The following FANCL variants were observed in gnomAD, a reference collection of about 807,000 sequenced individuals.
FANCL encodes FA complementation group L.
A neutral mutation model predicts 59.4 loss-of-function variants in FANCL; 69 were observed. The observed-to-expected ratio is 1.16, with a 90% CI of 0.96 to 1.42. The LOEUF is 1.42. Among genes scored for constraint, FANCL ranks in the 40% most tolerant of loss-of-function variants. FANCL has a pLI of 0.00. For missense variants in FANCL, 519 were observed against 447.2 expected (o/e 1.16, Z -1.45); for synonymous variants, 180 against 147.1 (o/e 1.22, Z -1.62).
chr2:58,165,892 G>C lies in FANCL; in HGVS notation c.541-18C>G. The C allele has an allele frequency of 6.2e-7, 1 of 1,611,402 alleles. No homozygotes were observed. Among genetic ancestry groups the C allele is most frequent in the Non-Finnish European group, 8.5e-7 (1 of 1,177,778 alleles). ...AAGGAGCTCTGTGAAAAAAATGAAAGTTGAATAAGTTATATGGTACTCTAC... is the reference window on the plus strand; with the variant it reads ...AAGGAGCTCTGTGAAAAAAATGAAACTTGAATAAGTTATATGGTACTCTAC... On this transcript the variant is annotated intron_variant, in intron 7 of 13. Transcript: ENST00000233741.
intron 3 of FANCL, 90 bp downstream of exon 3, chr2:58,229,724 C>T: frequency 2.1e-6 from 2 of 969,760 alleles, no homozygotes; most frequent in Non-Finnish European, 3.3e-6. Context: ...CAGTTTGTTA[C>T]AACATTGTGC....
chr2:58,221,041 G>A (rs1380291138), intron 5 of FANCL, among the ~76,000 whole-genome samples: 2 of 151,142 alleles, frequency 1.3e-5, no homozygotes, highest in East Asian at 3.9e-4. Flanking sequence ...GTGAAACCCC[G>A]TCTCTACTAA....
intron 1 of FANCL, among the ~76,000 whole-genome samples, chr2:58,235,765 G>A (rs1453834845): frequency 1.3e-5 from 2 of 151,714 alleles, no homozygotes; most frequent in African/African-American, 4.8e-5. Flanking sequence ...CGTTCAAGAA[G>A]GTAAAGGAAA....
At chr2:58,187,007 C>T (rs373863775) in intron 7 of FANCL, among the ~76,000 whole-genome samples, 3 of 152,158 alleles carry the variant, frequency 2.0e-5, no homozygotes, top group East Asian at 1.9e-4. Flanking sequence ...GACAGTGTGG[C>T]GATTCCTCAA....
At chr2:58,234,039 G>A (rs578048315) in intron 1 of FANCL, among the ~76,000 whole-genome samples, 4 of 151,842 alleles carry the variant, frequency 2.6e-5, no homozygotes, top group African/African-American at 9.7e-5. Context: ...AACAGAAGAG[G>A]GTATTCTTAA....
chr2:58,183,745 C>A (rs1360204280), intron 7 of FANCL, among the ~76,000 whole-genome samples: 4 of 151,734 alleles, frequency 2.6e-5, no homozygotes, highest in Admixed American at 6.6e-5. Context: ...GATCTGTTAC[C>A]CATCCTTTCA....
At chr2:58,174,284 A>G (rs1687025416) in intron 7 of FANCL, among the ~76,000 whole-genome samples, 2 of 152,202 alleles carry the variant, frequency 1.3e-5, no homozygotes, top group African/African-American at 4.8e-5. Flanking sequence ...TGCACCAAGC[A>G]GACCTAATAG....
At chr2:58,172,558 CTGTT>C (rs1474233551) in intron 7 of FANCL, among the ~76,000 whole-genome samples, 1 of 152,162 alleles carries the variant, frequency 6.6e-6, no homozygotes, top group Non-Finnish European at 1.5e-5. Flanking sequence ...AACAGAGGGT[CTGTT>C]TGTTAACAGA....
At chr2:58,210,968 C>A (rs1415431201) in intron 5 of FANCL, among the ~76,000 whole-genome samples, 1 of 152,186 alleles carries the variant, frequency 6.6e-6, no homozygotes, top group African/African-American at 2.4e-5. Context: ...GTGCCTGTGG[C>A]TTTTCCAGGC....
rs750526669 is a variant in FANCL at position 58,226,761 on chromosome 2, T to G, written c.240A>C (p.Leu80=). Residue 80 remains leucine, a synonymous_variant, in exon 4 of 14, where the codon CTA becomes CTC. Coordinates refer to ENST00000233741, the MANE Select transcript of FANCL (RefSeq NM_018062.4). ...TCTTCAACTCCATCATAAAGCTCAT[T>G]AGATCAGGAGAGTGCTGCATTCTCT... ...VQQRMQHSPD[L]MSFMMELKML... is the part of the protein sequence containing the mutation. 1.2e-6 allele frequency: 2 copies of G among 1,613,604 alleles called. No individual in the cohort carries two copies. Among genetic ancestry groups the G allele is most frequent in the Non-Finnish European group, 1.7e-6 (2 of 1,179,738 alleles).
At chr2:58,217,090 T>C (rs1328103209) in intron 5 of FANCL, among the ~76,000 whole-genome samples, 1 of 141,722 alleles carries the variant, frequency 7.1e-6, no homozygotes, top group African/African-American at 2.6e-5. Flanking sequence ...TACAGGACTT[T>C]GAAAAAAATA....
intron 5 of FANCL, among the ~76,000 whole-genome samples, chr2:58,208,857 T>G (rs914138395): frequency 6.6e-6 from 1 of 152,194 alleles, no homozygotes; most frequent in Non-Finnish European, 1.5e-5. Context: ...CTCAAAAATA[T>G]TCAATGAGTC....
chr2:58,189,541 G>A (rs1163411122), intron 7 of FANCL, among the ~76,000 whole-genome samples: 3 of 152,108 alleles, frequency 2.0e-5, no homozygotes, highest in Non-Finnish European at 2.9e-5. Context: ...AAAGATATAT[G>A]TGAGAACTAA....
chr2:58,191,972 G>C (rs1688967830), intron 7 of FANCL, among the ~76,000 whole-genome samples: 1 of 151,892 alleles, frequency 6.6e-6, no homozygotes, highest in Non-Finnish European at 1.5e-5. Context: ...GGTAAAGACA[G>C]AGCCAGAATT....
Position 58,182,480 on chromosome 2 carries a change from T to G in FANCL, c.540+16114A>C, listed in dbSNP as rs115166170. ...TTTTCATCATAACTTTGACTTTCGTTGTTAATGTTTAAAATAATATTCTAT... is the reference window on the plus strand; with the variant it reads ...TTTTCATCATAACTTTGACTTTCGTGGTTAATGTTTAAAATAATATTCTAT... On this transcript the variant is annotated intron_variant, in intron 7 of 13. Coordinates refer to ENST00000233741, the MANE Select transcript of FANCL (RefSeq NM_018062.4). Among the ~76,000 whole-genome samples, 1,390 of 151,988 alleles carry G rather than the reference T, an allele frequency of 9.1e-3. 19 individuals carry two copies. The highest frequency in any genetic ancestry group is 0.031 in the African/African-American group (1,287 of 41,530).
At chr2:58,175,556 C>T (rs1345676451) in intron 7 of FANCL, among the ~76,000 whole-genome samples, 5 of 152,078 alleles carry the variant, frequency 3.3e-5, no homozygotes, top group African/African-American at 1.2e-4. Flanking sequence ...TCAATAGATG[C>T]AGATAAGGCC....
chr2:58,212,446 CAT>C (rs1316959007), intron 5 of FANCL, among the ~76,000 whole-genome samples: 2 of 152,096 alleles, frequency 1.3e-5, no homozygotes. Context: ...CAAACCATAT[CAT>C]AAAGTGATAT....
At chr2:58,217,456 A>C (rs1558807635) in intron 5 of FANCL, among the ~76,000 whole-genome samples, 1 of 151,186 alleles carries the variant, frequency 6.6e-6, no homozygotes, top group Non-Finnish European at 1.5e-5. Flanking sequence ...AATAGAGAAA[A>C]AGAGGAAGAA....
chr2:58,240,824 G>A (rs761722210), intron 1 of FANCL, among the ~76,000 whole-genome samples: 10 of 152,168 alleles, frequency 6.6e-5, no homozygotes, highest in Non-Finnish European at 1.5e-4. Context: ...AATTAGCCCA[G>A]ATTCCCGAGT....
Sources: allele counts gnomAD v4.1 joint callset (sites outside exome capture counted in the v4.1 genomes callset), GRCh38; gene constraint gnomAD v4.1.1; transcripts MANE v1.5; gene names NCBI Gene and HGNC (gene_info 2026-07-23, HGNC 2026-07-21).